Variants in MGLL observed in about 807,000 individuals in gnomAD.
MGLL encodes lysophospholipase homolog.
Under a neutral mutation model 29.1 loss-of-function variants are expected in MGLL, and 7 were observed. That is an observed-to-expected ratio of 0.24 (90% CI 0.14 to 0.45). The LOEUF (loss-of-function observed/expected upper bound fraction) is 0.45. Among genes scored for constraint, MGLL ranks in the 20% least tolerant of loss-of-function variants. The pLI is 0.99. For synonymous variants in MGLL, 148 were observed against 168.3 expected, an observed-to-expected ratio of 0.88 and a Z score of 0.93; for missense variants, 356 against 413.6, an observed-to-expected ratio of 0.86 and a Z score of 1.21.
intron 5 of MGLL, among the ~76,000 whole-genome samples, chr3:127,714,370 G>A (rs976498183): frequency 6.6e-6 from 1 of 152,172 alleles, no homozygotes; most frequent in East Asian, 1.9e-4. Context: ...CCAGCTGAGC[G>A]CTGGCTGCCC....
chr3:127,763,840 C>T (rs935241780), intron 3 of MGLL, among the ~76,000 whole-genome samples: 4 of 152,188 alleles, frequency 2.6e-5, no homozygotes, highest in African/African-American at 9.7e-5. Context: ...GGGTCTTGTC[C>T]TCAAGGAGCA....
At chr3:127,773,895 G>A (rs1387730004) in intron 3 of MGLL, among the ~76,000 whole-genome samples, 1 of 152,172 alleles carries the variant, frequency 6.6e-6, no homozygotes, top group Non-Finnish European at 1.5e-5. Flanking sequence ...GAGAGGTCTG[G>A]TTGACACTGC....
In MGLL at chr3:127,694,269, GAA is replaced by G. The variant is rs61437030; in HGVS notation, c.816+704_816+705del. ...TGGGTGACAGAGGGATACTCTGTCT[GAA>G]AAAAAAAAAAAAAAAATATATATAT... On this transcript the variant is annotated intron_variant, in intron 7 of 7. Coordinates refer to ENST00000265052, the MANE Select transcript of MGLL (RefSeq NM_007283.7). Among the ~76,000 whole-genome samples, 372 of 67,584 alleles carry G rather than the reference GAA, an allele frequency of 5.5e-3. 2 individuals carry two copies. The highest frequency in any genetic ancestry group is 0.02 in the African/African-American group (337 of 17,036). The allele number at this position is 67,584 out of a possible 152,430, so 44.3% of individuals were successfully genotyped here.
intron 2 of MGLL, among the ~76,000 whole-genome samples, chr3:127,804,777 C>T (rs770583898): frequency 6.6e-6 from 1 of 152,142 alleles, no homozygotes; most frequent in African/African-American, 2.4e-5. Flanking sequence ...CCAGGCCTGC[C>T]ACCCCAGAGA....
At chr3:127,737,253 CCCTCCCTCACTAAT>C (rs1559934458) in intron 3 of MGLL, among the ~76,000 whole-genome samples, 1 of 151,184 alleles carries the variant, frequency 6.6e-6, no homozygotes. Flanking sequence ...ACCATCCATT[CCCTCCCTCACTAAT>C]CCTCACAGCA....
intron 3 of MGLL, among the ~76,000 whole-genome samples, chr3:127,773,226 C>T (rs983442522): frequency 3.3e-5 from 5 of 152,216 alleles, no homozygotes; most frequent in Non-Finnish European, 7.3e-5. Context: ...TGCTTAGAGG[C>T]CAGGGTCCCC....
intron 5 of MGLL, among the ~76,000 whole-genome samples, chr3:127,716,212 G>A (rs115950194): frequency 6.6e-6 from 1 of 152,354 alleles, no homozygotes; most frequent in African/African-American, 2.4e-5. Context: ...TTGGAGACGC[G>A]AAGCAGGCAC....
intron 5 of MGLL, among the ~76,000 whole-genome samples, chr3:127,718,889 GAC>G (rs2075866193): frequency 6.6e-6 from 1 of 152,226 alleles, no homozygotes; most frequent in Non-Finnish European, 1.5e-5. Context: ...AAGGTTGTCA[GAC>G]CAGACTAGAA....
intron 2 of MGLL, among the ~76,000 whole-genome samples, chr3:127,807,893 C>T (rs2077596253): frequency 6.7e-6 from 1 of 150,206 alleles, no homozygotes; most frequent in African/African-American, 2.4e-5. Flanking sequence ...TCCTGAGTAG[C>T]TGGGACTACA....
intron 6 of MGLL, among the ~76,000 whole-genome samples, chr3:127,701,451 A>G (rs2107592010): frequency 6.6e-6 from 1 of 152,246 alleles, no homozygotes; most frequent in Non-Finnish European, 1.5e-5. Context: ...TCACGCAGAG[A>G]TAAGTCCCAT....
chr3:127,727,828 A>G (rs994832775), intron 3 of MGLL, among the ~76,000 whole-genome samples: 3 of 151,858 alleles, frequency 2.0e-5, no homozygotes, highest in Admixed American at 6.6e-5. Context: ...TCCTAATAGC[A>G]TTAACATATT....
At chr3:127,809,625 C>T (rs2077626408) in intron 2 of MGLL, among the ~76,000 whole-genome samples, 1 of 129,768 alleles carries the variant, frequency 7.7e-6, no homozygotes, top group Non-Finnish European at 1.7e-5. Context: ...AGCCCTGTCT[C>T]TTAAAACAAC....
At position 127,691,971 on chromosome 3, in the gene MGLL, CT is replaced by C. The variant is rs2075254153; in HGVS notation, c.*226del. The C allele has an allele frequency of 1.7e-6, 1 of 596,526 alleles. No homozygotes were observed. The highest frequency in any genetic ancestry group is 1.9e-5 in the African/African-American group (1 of 53,758). The allele number at this position is 596,526 out of a possible 1,614,324, so 37.0% of individuals were successfully genotyped here. A position where few individuals can be genotyped will look rare whatever the true frequency, so the allele number is the denominator to read the frequency against. On this transcript the variant is annotated 3_prime_UTR_variant, in exon 8 of 8. Coordinates refer to ENST00000265052, the MANE Select transcript of MGLL (RefSeq NM_007283.7). ...TTCTTTGTGGAAAATCACCTGGGAC[CT>C]TTCTCTTTTTTTGCATAAAGTGTCT... is the stretch of plus-strand genomic sequence containing the variant.
chr3:127,739,649 T>C (rs66934204), intron 3 of MGLL, among the ~76,000 whole-genome samples: 18,036 of 152,218 alleles, frequency 0.12, 1,258 homozygotes, highest in African/African-American at 0.2. Context: ...GAGAAAGCTC[T>C]GGAAGATTAT....
At chr3:127,739,835 T>C (rs546265113) in intron 3 of MGLL, among the ~76,000 whole-genome samples, 1 of 152,304 alleles carries the variant, frequency 6.6e-6, no homozygotes, top group East Asian at 1.9e-4. Context: ...CTTTCTACCA[T>C]CCTCCAAGTG....
rs374937724 is a variant in MGLL at position 127,775,504 on chromosome 3, CA to C, written c.262+6284del. 3.7e-3 allele frequency among the ~76,000 whole-genome samples: 566 copies of C among 152,180 alleles called. 4 individuals are homozygous for C. The highest frequency in any genetic ancestry group is 0.019 in the South Asian group (91 of 4,820). ...ACTCTTCTTCTGACTGGATAGGACC[CA>C]CCCGCCAAGGAGAACCACGCGTAAC... On this transcript the variant is annotated intron_variant, in intron 3 of 7. Transcript: ENST00000265052.
rs538391965 is a variant in MGLL, at chr3:127,761,718, G to T, written c.262+20071C>A. ...TGGGCAGAGCTGGACTGCCACGCAG[G>T]CTGCCTCCCTCCTGGCACGTTCGGC... On this transcript the variant is annotated intron_variant, in intron 3 of 7. Coordinates refer to ENST00000265052, the MANE Select transcript of MGLL (RefSeq NM_007283.7). The surrounding 1 kb of genome is among the most constrained non-coding windows in gnomAD (Gnocchi z 4.6). 6.6e-6 allele frequency among the ~76,000 whole-genome samples: 1 copy of T among 152,324 alleles called. No homozygotes were observed. The highest frequency in any genetic ancestry group is 2.1e-4 in the South Asian group (1 of 4,826).
At chr3:127,801,065 G>A (rs2077470120) in intron 2 of MGLL, among the ~76,000 whole-genome samples, 1 of 152,088 alleles carries the variant, frequency 6.6e-6, no homozygotes. Flanking sequence ...ACTTTGGGAG[G>A]CCAAGGCAGG....
chr3:127,694,282 AAAAAAT>A (rs1281408046), intron 7 of MGLL, among the ~76,000 whole-genome samples: 1 of 114,906 alleles, frequency 8.7e-6, no homozygotes, highest in Non-Finnish European at 1.8e-5. Flanking sequence ...AAAAAAAAAA[AAAAAAT>A]ATATATATAT....
Sources: gnomAD v4.1 joint callset for allele counts (sites outside exome capture counted in the v4.1 genomes callset) on GRCh38, gnomAD v4.1.1 for gene constraint, Gnocchi (gnomAD v3.1) non-coding constraint, MANE v1.5 for transcripts, NCBI Gene and HGNC (gene_info 2026-07-23, HGNC 2026-07-21) for gene names.